Variants in KIF26B observed in about 807,000 individuals in gnomAD.
The protein encoded by KIF26B is kinesin-like protein KIF26B.
Under a neutral mutation model 151.2 loss-of-function variants are expected in KIF26B, and 63 were observed. The observed-to-expected ratio is 0.42, with a 90% confidence interval of 0.34 to 0.51. The LOEUF is 0.51. KIF26B is among the 20% of genes least tolerant of loss of function. The pLI, the probability that KIF26B is intolerant of heterozygous loss-of-function variation, is 0.07. For missense variants in KIF26B, 2,813 were observed against 2,913.6 expected (o/e 0.97, Z 0.79); for synonymous variants, 1,357 against 1,262.1 (o/e 1.08, Z -1.59).
Position 245,540,456 on chromosome 1 carries a change from C to T in KIF26B, c.1167-311C>T, listed in dbSNP as rs1661588507. 1 of 573,008 alleles carries T rather than the reference C, an allele frequency of 1.7e-6. No individual in the cohort carries two copies. 35.5% of individuals were successfully genotyped at this position (573,008 alleles called of 1,614,324 possible). A position where few individuals can be genotyped will look rare whatever the true frequency, so the allele number is the denominator to read the frequency against. ...GATGAACTTAATGGGTGCCCTTATCCCCAAAGATGCCCAGCTTTGTTCCTG... is the reference window on the plus strand; with the variant it reads ...GATGAACTTAATGGGTGCCCTTATCTCCAAAGATGCCCAGCTTTGTTCCTG... On this transcript the variant is annotated intron_variant, in intron 4 of 14. Coordinates refer to ENST00000407071, the MANE Select transcript of KIF26B (RefSeq NM_018012.4). The surrounding 1 kb of genome is among the most constrained non-coding windows in gnomAD (Gnocchi z 4.6).
intron 2 of KIF26B, among the ~76,000 whole-genome samples, chr1:245,160,546 A>T (rs1480546339): frequency 1.3e-5 from 2 of 152,220 alleles, no homozygotes; most frequent in Non-Finnish European, 2.9e-5. Flanking sequence ...AAGTCCTACG[A>T]AACAACAGCC....
chr1:245,604,199 T>G (rs1000473124), intron 6 of KIF26B, among the ~76,000 whole-genome samples: 32 of 152,208 alleles, frequency 2.1e-4, no homozygotes, highest in African/African-American at 7.5e-4. Context: ...CTTATCAAGA[T>G]TTACATTAAA....
At chr1:245,506,641 C>CA (rs1290062813) in intron 4 of KIF26B, among the ~76,000 whole-genome samples, 4 of 152,072 alleles carry the variant, frequency 2.6e-5, no homozygotes, top group Non-Finnish European at 5.9e-5. Context: ...CAGTGCTTTT[C>CA]AAAAAAATTT....
chr1:245,610,623 A>T (rs919610865), intron 8 of KIF26B, among the ~76,000 whole-genome samples: 7 of 152,246 alleles, frequency 4.6e-5, no homozygotes, highest in African/African-American at 1.7e-4. Context: ...TTTTCTAGAC[A>T]TTCAAATATG....
In KIF26B at chr1:245,684,365, A is replaced by G; in HGVS notation, c.2391A>G (p.Arg797=). The change falls in exon 11 of 15, where the codon AGA becomes AGG. Residue 797 remains arginine (R), a synonymous_variant. Coordinates refer to ENST00000407071, the MANE Select transcript of KIF26B (RefSeq NM_018012.4). ...ETLSTIQIAS[R]VLRMKKKKTK... is the part of the protein sequence containing the mutation. ...TGTCCACCATCCAGATTGCATCGAG[A>G]GTCTTGAGGATGAAGAAAAAGAAGA... 2 of 1,612,616 alleles carry G rather than the reference A, an allele frequency of 1.2e-6. No individual in the cohort carries two copies. Among genetic ancestry groups the G allele is most frequent in the South Asian group, 2.2e-5 (2 of 91,002 alleles).
intron 2 of KIF26B, among the ~76,000 whole-genome samples, chr1:245,292,317 T>C (rs531216134): frequency 2.0e-5 from 3 of 152,188 alleles, no homozygotes; most frequent in African/African-American, 7.2e-5. Flanking sequence ...GCTGGTGCAC[T>C]GGGGAAGAGA....
intron 4 of KIF26B, among the ~76,000 whole-genome samples, chr1:245,519,811 C>T (rs1291657369): frequency 2.0e-5 from 3 of 152,004 alleles, no homozygotes; most frequent in Non-Finnish European, 4.4e-5. Context: ...AGAAAAGGTA[C>T]AGTAAAAATA....
chr1:245,264,182 C>G (rs555677075), intron 2 of KIF26B, among the ~76,000 whole-genome samples: 3 of 152,080 alleles, frequency 2.0e-5, no homozygotes, highest in Non-Finnish European at 4.4e-5. Context: ...ATGTATATTA[C>G]GAGGTCTATC....
chr1:245,462,855 TGAA>T (rs1659680427), intron 4 of KIF26B, among the ~76,000 whole-genome samples: 1 of 32,208 alleles, frequency 3.1e-5, no homozygotes, highest in Non-Finnish European at 6.4e-5. Context: ...TGTGAATGAA[TGAA>T]TGAATGAATG....
intron 4 of KIF26B, among the ~76,000 whole-genome samples, chr1:245,508,247 ATTG>A (rs1178219951): frequency 6.6e-6 from 1 of 151,968 alleles, no homozygotes; most frequent in Non-Finnish European, 1.5e-5. Context: ...TAACTTTTTT[ATTG>A]TTGTTGTTGA....
At chr1:245,474,696 A>T (rs1659995301) in intron 4 of KIF26B, among the ~76,000 whole-genome samples, 1 of 151,782 alleles carries the variant, frequency 6.6e-6, no homozygotes, top group Admixed American at 6.6e-5. Context: ...TACAGACGTG[A>T]GCCACCGCAC....
At position 245,156,563 on chromosome 1, in the gene KIF26B, C is replaced by T. The variant is rs780380375; in HGVS notation, c.345C>T (p.Ser115=). ...GCACAGGCTCCCCGGGCTCCGGCAG[C>T]GGCGGCGGCTCCTCCCCCGGCTCGG... ...GFGTGSPGSG[S]GGGSSPGSDR... Residue 115 remains serine, a synonymous_variant, in exon 2 of 15, where the codon AGC becomes AGT. Transcript: ENST00000407071. 2.0e-6 allele frequency: 3 copies of T among 1,531,436 alleles called. No homozygotes were observed. The highest frequency in any genetic ancestry group is 2.4e-5 in the South Asian group (2 of 83,824). 94.9% of individuals were successfully genotyped at this position (1,531,436 alleles called of 1,614,324 possible). A position where few individuals can be genotyped will look rare whatever the true frequency, so the allele number is the denominator to read the frequency against.
chr1:245,163,952 C>T (rs990690841), intron 2 of KIF26B, among the ~76,000 whole-genome samples: 5 of 152,220 alleles, frequency 3.3e-5, no homozygotes, highest in African/African-American at 1.2e-4. Flanking sequence ...TTACTCTCTT[C>T]CTTTGCTATT....
At chr1:245,361,886 G>A (rs114508534) in intron 2 of KIF26B, among the ~76,000 whole-genome samples, 1,694 of 151,990 alleles carry the variant, frequency 0.011, 35 homozygotes, top group African/African-American at 0.037. Context: ...TGCACATGTC[G>A]TGTCAGTGCA....
intron 5 of KIF26B, among the ~76,000 whole-genome samples, chr1:245,566,029 G>C (rs2103119809): frequency 6.6e-6 from 1 of 152,336 alleles, no homozygotes; most frequent in South Asian, 2.1e-4. Context: ...AACTAACTGA[G>C]CGAGAGCTCA....
intron 2 of KIF26B, among the ~76,000 whole-genome samples, chr1:245,270,288 TCC>T (rs879304071): frequency 0.38 from 45,172 of 117,392 alleles, 12,161 homozygotes; most frequent in East Asian, 0.5. Flanking sequence ...CTTCTTTCCT[TCC>T]CTTCCCTTCC....
intron 3 of KIF26B, among the ~76,000 whole-genome samples, chr1:245,410,829 T>G (rs1251023918): frequency 6.6e-6 from 1 of 152,142 alleles, no homozygotes; most frequent in African/African-American, 2.4e-5. Context: ...TTAAGTATAT[T>G]CACATTGTTA....
At chr1:245,570,030 G>T (rs368972265) in intron 5 of KIF26B, among the ~76,000 whole-genome samples, 1 of 146,026 alleles carries the variant, frequency 6.8e-6, no homozygotes, top group African/African-American at 2.6e-5. Context: ...CCGCCTCCTG[G>T]GTTCACGCCA....
intron 3 of KIF26B, among the ~76,000 whole-genome samples, chr1:245,397,108 C>T (rs1379658680): frequency 1.3e-5 from 2 of 151,998 alleles, no homozygotes; most frequent in Admixed American, 1.3e-4. Flanking sequence ...TATAGGCATG[C>T]GCCACCACGC....
Sources: gnomAD v4.1 joint callset for allele counts (sites outside exome capture counted in the v4.1 genomes callset) on GRCh38, gnomAD v4.1.1 for gene constraint, Gnocchi (gnomAD v3.1) non-coding constraint, MANE v1.5 for transcripts, NCBI Gene and HGNC (gene_info 2026-07-23, HGNC 2026-07-21) for gene names.